FBXL13: variants seen among roughly 807,000 people sequenced by gnomAD.
FBXL13 encodes F-box and leucine rich repeat protein 13, also known as F-box and leucine-rich repeat protein 13.
FBXL13 carries 67 observed loss-of-function variants against 83.6 expected under a neutral mutation model. The ratio of observed to expected loss-of-function variants is 0.80; its 90% CI spans 0.66 to 0.98. FBXL13 has a LOEUF of 0.98. Among genes scored for constraint, FBXL13 ranks in the 50% least tolerant of loss-of-function variants. The pLI, the probability that FBXL13 is intolerant of heterozygous loss-of-function variation, is 0.00. For missense variants in FBXL13, 822 were observed against 866.5 expected, an observed-to-expected ratio of 0.95 and a Z score of 0.64; for synonymous variants, 272 against 299.5, an observed-to-expected ratio of 0.91 and a Z score of 0.95.
At chr7:102,918,174 T>C (rs899517503) in intron 10 of FBXL13, among the ~76,000 whole-genome samples, 2 of 152,134 alleles carry the variant, frequency 1.3e-5, no homozygotes, top group African/African-American at 4.8e-5. Context: ...TTTGAAACAA[T>C]GGAAAATAGA....
intron 17 of FBXL13, among the ~76,000 whole-genome samples, chr7:102,836,838 T>C (rs1472101814): frequency 6.6e-6 from 1 of 152,214 alleles, no homozygotes; most frequent in African/African-American, 2.4e-5. Context: ...TTAAACCACT[T>C]TGACAGGTGG....
At chr7:102,924,862 C>T (rs1817786137) in intron 10 of FBXL13, among the ~76,000 whole-genome samples, 1 of 151,982 alleles carries the variant, frequency 6.6e-6, no homozygotes, top group African/African-American at 2.4e-5. Flanking sequence ...ATCTCCTGAC[C>T]TCATGATCCA....
At chr7:102,919,355 A>G (rs934046948) in intron 10 of FBXL13, among the ~76,000 whole-genome samples, 24 of 152,214 alleles carry the variant, frequency 1.6e-4, no homozygotes, top group Admixed American at 9.2e-4. Flanking sequence ...TTTGAAGGAC[A>G]GGAATAAAAT....
chr7:102,864,373 C>T, intron 16 of FBXL13, among the ~76,000 whole-genome samples: 1 of 144,434 alleles, frequency 6.9e-6, no homozygotes, highest in Middle Eastern at 3.6e-3. Flanking sequence ...GACAAGTGTT[C>T]ATTTTTTTTT....
At chr7:102,860,644 A>G (rs1476466819) in intron 16 of FBXL13, among the ~76,000 whole-genome samples, 2 of 151,974 alleles carry the variant, frequency 1.3e-5, no homozygotes, top group African/African-American at 4.8e-5. Flanking sequence ...TACATAGACA[A>G]TGTCAATGAA....
intron 14 of FBXL13, among the ~76,000 whole-genome samples, chr7:102,880,105 T>C (rs1365769652): frequency 6.6e-6 from 1 of 152,234 alleles, no homozygotes; most frequent in Non-Finnish European, 1.5e-5. Context: ...ATCTTTTTGT[T>C]GCTGATTCCC....
At chr7:103,055,091 C>T (rs1018054658) in intron 2 of FBXL13, 7 of 1,279,292 alleles carry the variant, frequency 5.5e-6, no homozygotes, top group Non-Finnish European at 7.1e-6. Flanking sequence ...TAATTACCAG[C>T]TGATCATCCA....
At chr7:102,903,103 C>T (rs112998085) in intron 11 of FBXL13, among the ~76,000 whole-genome samples, 5 of 151,916 alleles carry the variant, frequency 3.3e-5, no homozygotes, top group African/African-American at 1.2e-4. Context: ...ATTTATTCAT[C>T]AGTGTTTCAT....
rs60060071 is a variant in FBXL13 at position 102,834,090 on chromosome 7, G to GGAAGGA, written c.1720-1117_1720-1116insTCCTTC. 5.0e-3 allele frequency among the ~76,000 whole-genome samples: 349 copies of GGAAGGA among 70,456 alleles called. 6 individuals carry two copies. The highest frequency in any genetic ancestry group is 0.011 in the East Asian group (29 of 2,618). 46.2% of individuals were successfully genotyped at this position (70,456 alleles called of 152,430 possible). ...GAAGGAAGGAAGGAAGGAAAGAAAAGAAAGAAAGAAAGAAAGAAAGAAAGA... is the reference window on the plus strand; with the variant it reads ...GAAGGAAGGAAGGAAGGAAAGAAAAGGAAGGAAAAGAAAGAAAGAAAGAAAGAAAGA... On this transcript the variant is annotated intron_variant, in intron 17 of 19. Transcript: ENST00000313221.
intron 11 of FBXL13, among the ~76,000 whole-genome samples, chr7:102,908,318 T>C (rs1814085822): frequency 6.6e-6 from 1 of 152,242 alleles, no homozygotes; most frequent in Admixed American, 6.5e-5. Context: ...CTTCTCTGTG[T>C]TATCTTGAAT....
intron 11 of FBXL13, among the ~76,000 whole-genome samples, chr7:102,898,899 TATTTA>T (rs1204885734): frequency 6.6e-5 from 10 of 152,052 alleles, no homozygotes; most frequent in African/African-American, 1.9e-4. Context: ...TATTTTTATT[TATTTA>T]ATTTAATTTA....
At chr7:103,041,122 A>G (rs1264891434) in intron 2 of FBXL13, among the ~76,000 whole-genome samples, 1 of 152,202 alleles carries the variant, frequency 6.6e-6, no homozygotes, top group Non-Finnish European at 1.5e-5. Context: ...AAATAGATAC[A>G]ATAAAAAATG....
chr7:102,994,968 C>G (rs143253706), intron 6 of FBXL13, among the ~76,000 whole-genome samples: 45 of 152,322 alleles, frequency 3.0e-4, no homozygotes, highest in African/African-American at 1.0e-3. Context: ...CAAAACTCAT[C>G]TTGAGAGATT....
chr7:102,964,839 A>C (rs1417664594), intron 7 of FBXL13, among the ~76,000 whole-genome samples: 1 of 152,242 alleles, frequency 6.6e-6, no homozygotes, highest in Non-Finnish European at 1.5e-5. Flanking sequence ...TTTATTAACG[A>C]AAGATAGGAA....
chr7:103,038,189 C>T (rs1466070068), intron 2 of FBXL13, among the ~76,000 whole-genome samples: 1 of 152,228 alleles, frequency 6.6e-6, no homozygotes, highest in African/African-American at 2.4e-5. Flanking sequence ...ACCCATGGAG[C>T]CTTACTCACT....
chr7:102,909,463 C>T lies in FBXL13; in HGVS notation c.1008+3623G>A, dbSNP rs1331995133. 5.3e-5 allele frequency among the ~76,000 whole-genome samples: 8 copies of T among 152,090 alleles called. No homozygotes were observed. In the East Asian group the frequency reaches 1.5e-3, roughly 29 times the overall value. On this transcript the variant is annotated intron_variant, in intron 11 of 19. Coordinates refer to ENST00000313221, the Ensembl canonical transcript of FBXL13. The stretch of plus-strand genomic sequence containing the variant: ...TTTTCCCTCGCAAGCAAGAGTTTTG[C>T]CCCATAGCTACCCTAGCTGGTAATA...
At chr7:103,073,989 A>G (rs896099746) in intron 1 of FBXL13, among the ~76,000 whole-genome samples, 1 of 152,202 alleles carries the variant, frequency 6.6e-6, no homozygotes, top group African/African-American at 2.4e-5. Context: ...AGAGGTCAAC[A>G]AAGGCAAATG....
At chr7:102,954,680 A>G (rs944506852) in intron 8 of FBXL13, among the ~76,000 whole-genome samples, 3 of 152,232 alleles carry the variant, frequency 2.0e-5, no homozygotes, top group African/African-American at 7.2e-5. Flanking sequence ...TAGGCTCAAA[A>G]TAAAGGGATG....
intron 1 of FBXL13, among the ~76,000 whole-genome samples, chr7:103,063,489 G>T (rs1461558449): frequency 6.6e-6 from 1 of 152,106 alleles, no homozygotes; most frequent in East Asian, 1.9e-4. Context: ...GATACTGAGG[G>T]ATTACTGTAT....
Sources: gnomAD v4.1 joint callset for allele counts (sites outside exome capture counted in the v4.1 genomes callset) on GRCh38, gnomAD v4.1.1 for gene constraint, MANE v1.5 for transcripts, NCBI Gene and HGNC (gene_info 2026-07-23, HGNC 2026-07-21) for gene names.